Variants in DOCK5 observed in about 807,000 individuals in gnomAD.
The protein encoded by DOCK5 is dedicator of cytokinesis 5.
DOCK5 carries 142 observed loss-of-function variants against 251.8 expected under a neutral mutation model. The ratio of observed to expected loss-of-function variants is 0.56; its 90% CI spans 0.49 to 0.65. The LOEUF (loss-of-function observed/expected upper bound fraction) is 0.65. Ranked by LOEUF, DOCK5 falls within the 30% of genes least tolerant of loss-of-function variation. The pLI, the probability that DOCK5 is intolerant of heterozygous loss-of-function variation, is 0.00. For missense variants in DOCK5, 2,111 were observed against 2,312.3 expected (o/e 0.91, Z 1.79); for synonymous variants, 842 against 835.5 (o/e 1.01, Z -0.13).
intron 1 of DOCK5, among the ~76,000 whole-genome samples, chr8:25,206,443 G>A (rs962657761): frequency 6.6e-6 from 1 of 152,176 alleles, no homozygotes; most frequent in African/African-American, 2.4e-5. Flanking sequence ...TTTCAGACCA[G>A]CAGTGGATTA....
rs56338302 is a variant in DOCK5, at chr8:25,414,909, C to CTTTTT, written c.*3620_*3624dup. 3 of 96,644 alleles carry CTTTTT rather than the reference C, an allele frequency of 3.1e-5. No individual in the cohort carries two copies. Among genetic ancestry groups the CTTTTT allele is most frequent in the East Asian group, 3.5e-4 (1 of 2,854 alleles). 6.0% of individuals were successfully genotyped at this position (96,644 alleles called of 1,614,324 possible). On this transcript the variant is annotated 3_prime_UTR_variant, in exon 52 of 52. Transcript: ENST00000276440. ...ATTTGTAGTCAGTCCCTGGGCCTGT[C>CTTTTT]TTTTTTTTTTTTTAATTTTGAAGCT... is the stretch of plus-strand genomic sequence containing the variant.
At chr8:25,268,995 T>C (rs1803836776) in intron 3 of DOCK5, 110 bp downstream of exon 3, 1 of 949,904 alleles carries the variant, frequency 1.1e-6, no homozygotes, top group Non-Finnish European at 1.5e-6. Flanking sequence ...CCTAGTTTGC[T>C]TTCTCTTTGA....
intron 1 of DOCK5, among the ~76,000 whole-genome samples, chr8:25,221,539 C>T (rs1197586852): frequency 1.3e-5 from 2 of 152,082 alleles, no homozygotes; most frequent in Non-Finnish European, 2.9e-5. Context: ...AATCTCTTGA[C>T]CTTGTGATCC....
chr8:25,284,671 G>A (rs937332574), intron 5 of DOCK5, among the ~76,000 whole-genome samples: 75 of 152,218 alleles, frequency 4.9e-4, no homozygotes, highest in Admixed American at 4.4e-3. Context: ...GCAGATCCCC[G>A]TGCTAGATGG....
rs1052399886 is a variant in DOCK5 at position 25,411,317 on chromosome 8, A to G, written c.*19A>G. ...CCAGTAAGGATCTTGCCCTCCCTGC[A>G]ACACCGAGTGCCTTAGACAGCTGCT... On this transcript the variant is annotated 3_prime_UTR_variant, in exon 52 of 52. Transcript: ENST00000276440. The G allele has an allele frequency of 1.0e-5, 15 of 1,456,690 alleles. No individual in the cohort carries two copies. The highest frequency in any genetic ancestry group is 1.2e-5 in the Non-Finnish European group (13 of 1,106,372). 90.2% of individuals were successfully genotyped at this position (1,456,690 alleles called of 1,614,324 possible).
At position 25,310,387 on chromosome 8, in the gene DOCK5, T is replaced by G. The variant is rs1376484510; in HGVS notation, c.1193-20T>G. Reference sequence around the variant, plus strand: ...TACATCATACAAAGAACTAAACGTTTATCTTTTATTTCTTTTAAGGCCTTT... The same window carrying G: ...TACATCATACAAAGAACTAAACGTTGATCTTTTATTTCTTTTAAGGCCTTT... On this transcript the variant is annotated intron_variant, in intron 12 of 51. Transcript: ENST00000276440. 8.8e-6 allele frequency: 14 copies of G among 1,593,284 alleles called. No individual in the cohort carries two copies. The highest frequency in any genetic ancestry group is 1.9e-5 in the Admixed American group (1 of 53,806).
rs779698323 is a variant in DOCK5 at position 25,332,584 on chromosome 8, C to G, written c.2002-19C>G. Reference sequence around the variant, plus strand: ...GAATGAAAGCATCAAAATAACCTCTCCGTTTTTCTTATCTTCAGTTTTTGC... The same window carrying G: ...GAATGAAAGCATCAAAATAACCTCTGCGTTTTTCTTATCTTCAGTTTTTGC... On this transcript the variant is annotated intron_variant, in intron 19 of 51. Coordinates refer to ENST00000276440, the MANE Select transcript of DOCK5 (RefSeq NM_024940.8). 1.4e-5 allele frequency: 22 copies of G among 1,589,778 alleles called. No homozygotes were observed. Among genetic ancestry groups the G allele is most frequent in the Non-Finnish European group, 1.9e-5 (22 of 1,163,810 alleles).
chr8:25,368,874 T>C, intron 33 of DOCK5, 149 bp downstream of exon 33: 1 of 1,014,574 alleles, frequency 9.9e-7, no homozygotes. Context: ...ATAAAGCAAT[T>C]AGAGATAGAG....
At chr8:25,200,442 T>C (rs969884461) in intron 1 of DOCK5, among the ~76,000 whole-genome samples, 3 of 152,358 alleles carry the variant, frequency 2.0e-5, no homozygotes, top group African/African-American at 7.2e-5. Flanking sequence ...AAAAAGATTC[T>C]GACGCAGTGA....
At chr8:25,344,833 C>G in intron 25 of DOCK5, among the ~76,000 whole-genome samples, 1 of 152,184 alleles carries the variant, frequency 6.6e-6, no homozygotes, top group East Asian at 1.9e-4. Flanking sequence ...AGCAGAAGAG[C>G]AAGCATGCAC....
At chr8:25,401,212 C>CGGAA (rs1343539992) in intron 47 of DOCK5, 146 bp downstream of exon 47, 3 of 1,186,380 alleles carry the variant, frequency 2.5e-6, no homozygotes, top group Non-Finnish European at 3.6e-6. Flanking sequence ...AGTGTGTTCC[C>CGGAA]CTCTTGGTGA....
intron 1 of DOCK5, among the ~76,000 whole-genome samples, chr8:25,223,320 A>G (rs1244048954): frequency 2.0e-5 from 3 of 151,898 alleles, no homozygotes; most frequent in South Asian, 2.1e-4. Context: ...TGCTTTATTT[A>G]TTTATTTATT....
intron 18 of DOCK5, among the ~76,000 whole-genome samples, chr8:25,328,790 G>C (rs1805620127): frequency 6.6e-6 from 1 of 152,178 alleles, no homozygotes; most frequent in African/African-American, 2.4e-5. Context: ...TGTTTCCCAG[G>C]AAAAAGAGAG....
intron 26 of DOCK5, among the ~76,000 whole-genome samples, chr8:25,350,693 T>C (rs1470022004): frequency 6.6e-6 from 1 of 152,188 alleles, no homozygotes; most frequent in African/African-American, 2.4e-5. Flanking sequence ...TTTGGTTAGG[T>C]CTCTCTTCCC....
chr8:25,307,269 C>T (rs1319318745), intron 11 of DOCK5, among the ~76,000 whole-genome samples: 1 of 152,072 alleles, frequency 6.6e-6, no homozygotes, highest in African/African-American at 2.4e-5. Context: ...CAGGTGCATG[C>T]CATTACACCC....
intron 5 of DOCK5, among the ~76,000 whole-genome samples, chr8:25,285,433 C>A (rs571315423): frequency 6.6e-6 from 1 of 152,286 alleles, no homozygotes; most frequent in African/African-American, 2.4e-5. Context: ...GTGTGAGCCA[C>A]TATGCCCAGC....
intron 14 of DOCK5, among the ~76,000 whole-genome samples, chr8:25,318,977 T>A (rs1240753925): frequency 6.6e-6 from 1 of 152,222 alleles, no homozygotes; most frequent in Non-Finnish European, 1.5e-5. Context: ...AGCCACTGTA[T>A]GAAAGTGCTT....
At chr8:25,332,173 A>G in intron 18 of DOCK5, 78 bp from the exon 19 acceptor site, 1 of 1,087,008 alleles carries the variant, frequency 9.2e-7, no homozygotes, top group Non-Finnish European at 1.4e-6. Flanking sequence ...TACCTGTTCT[A>G]GAGAATTCTT....
chr8:25,195,515 C>T (rs1423427601), intron 1 of DOCK5, among the ~76,000 whole-genome samples: 2 of 152,132 alleles, frequency 1.3e-5, no homozygotes, highest in Non-Finnish European at 2.9e-5. Context: ...ATCAGACCTG[C>T]CGCCTCCCTC....
Sources: allele counts gnomAD v4.1 joint callset (sites outside exome capture counted in the v4.1 genomes callset), GRCh38; gene constraint gnomAD v4.1.1; transcripts MANE v1.5; gene names NCBI Gene and HGNC (gene_info 2026-07-23, HGNC 2026-07-21).